PDSS2: variants seen among roughly 807,000 people sequenced by gnomAD.
PDSS2 encodes the protein all trans-polyprenyl-diphosphate synthase PDSS2.
PDSS2 carries 31 observed loss-of-function variants against 44.5 expected under a neutral mutation model. The observed-to-expected ratio is 0.70, with a 90% confidence interval of 0.52 to 0.94. The LOEUF is 0.94. Ranked by LOEUF, PDSS2 falls within the 40% of genes least tolerant of loss-of-function variation. The pLI, the probability that PDSS2 is intolerant of heterozygous loss-of-function variation, is 0.00. For missense variants in PDSS2, 452 were observed against 482.2 expected, an observed-to-expected ratio of 0.94 and a Z score of 0.59; for synonymous variants, 157 against 180.3, an observed-to-expected ratio of 0.87 and a Z score of 1.03.
At chr6:107,184,203 T>C (rs1772086807) in intron 7 of PDSS2, among the ~76,000 whole-genome samples, 3 of 152,160 alleles carry the variant, frequency 2.0e-5, no homozygotes, top group Non-Finnish European at 2.9e-5. Context: ...GTTTTCTAAA[T>C]GTGCCAATGT....
intron 4 of PDSS2, among the ~76,000 whole-genome samples, chr6:107,241,871 A>T (rs898017141): frequency 4.6e-5 from 7 of 152,176 alleles, no homozygotes; most frequent in African/African-American, 1.7e-4. Flanking sequence ...GCTTCTTTTA[A>T]ATCACAAAAA....
chr6:107,225,153 ATATATATATTTTTTTTT>A (rs1463973827), intron 4 of PDSS2, among the ~76,000 whole-genome samples: 7 of 55,108 alleles, frequency 1.3e-4, no homozygotes, highest in Non-Finnish European at 1.8e-4. Flanking sequence ...ATATATATAT[ATATATATATTTTTTTTT>A]TTTTTTTTTT....
chr6:107,402,233 T>A (rs888736193), intron 1 of PDSS2, among the ~76,000 whole-genome samples: 1 of 151,078 alleles, frequency 6.6e-6, no homozygotes, highest in Non-Finnish European at 1.5e-5. Context: ...TGAGCCGAGA[T>A]TGCGCCATTA....
Position 107,154,685 on chromosome 6 carries a change from G to T in PDSS2, c.1134C>A (p.Ser378Arg). 1 of 1,614,128 alleles carries T rather than the reference G, an allele frequency of 6.2e-7. No individual in the cohort carries two copies. Among genetic ancestry groups the T allele is most frequent in the East Asian group, 2.2e-5 (1 of 44,874 alleles). Residue 378 changes from serine (S) to arginine (R), a missense_variant, in exon 8 of 8, where the codon AGC (serine) becomes AGA (arginine). Coordinates refer to ENST00000369037, the MANE Select transcript of PDSS2 (RefSeq NM_020381.4). ...CAGATCTGGCCTCCGAGGGAGGAAA[G>T]CTCTCCAGGGCCTCCAGTGCCTTGT... ...HGNKALEALE[S>R]FPPSEARSAL...
At chr6:107,358,805 C>G (rs145334656) in intron 1 of PDSS2, among the ~76,000 whole-genome samples, 31 of 152,106 alleles carry the variant, frequency 2.0e-4, no homozygotes, top group Admixed American at 1.4e-3. Context: ...TAACCTTTAC[C>G]CACTAGATGC....
chr6:107,347,483 C>A (rs1445489794), intron 1 of PDSS2, among the ~76,000 whole-genome samples: 2 of 151,970 alleles, frequency 1.3e-5, no homozygotes, highest in African/African-American at 4.8e-5. Context: ...GTTGGCCAGG[C>A]TGAACTCCTG....
chr6:107,325,878 C>T (rs752813978), intron 2 of PDSS2, among the ~76,000 whole-genome samples: 3 of 152,110 alleles, frequency 2.0e-5, no homozygotes, highest in Non-Finnish European at 2.9e-5. Context: ...ATTTTTTCCA[C>T]TGAAGAGTTA....
At chr6:107,352,304 T>C (rs886407988) in intron 1 of PDSS2, among the ~76,000 whole-genome samples, 2 of 152,114 alleles carry the variant, frequency 1.3e-5, no homozygotes, top group Non-Finnish European at 1.5e-5. Context: ...AAGTCAGCAA[T>C]AGGAAAAACA....
chr6:107,442,868 T>A (rs1781552029), intron 1 of PDSS2, among the ~76,000 whole-genome samples: 1 of 152,232 alleles, frequency 6.6e-6, no homozygotes, highest in African/African-American at 2.4e-5. Flanking sequence ...CTCACCATCA[T>A]CATTCCTCTA....
At chr6:107,246,029 GA>G (rs1369053345) in intron 3 of PDSS2, among the ~76,000 whole-genome samples, 2 of 151,486 alleles carry the variant, frequency 1.3e-5, no homozygotes, top group African/African-American at 2.4e-5. Context: ...ACTTATTACA[GA>G]AAAAAAAGCA....
chr6:107,238,075 A>G (rs1489057226), intron 4 of PDSS2, among the ~76,000 whole-genome samples: 1 of 152,096 alleles, frequency 6.6e-6, no homozygotes, highest in Non-Finnish European at 1.5e-5. Context: ...ACTTGCTAAA[A>G]CCAGTTCTTT....
chr6:107,222,764 T>G (rs1304969932), intron 4 of PDSS2, among the ~76,000 whole-genome samples: 2 of 152,056 alleles, frequency 1.3e-5, no homozygotes, highest in Non-Finnish European at 2.9e-5. Flanking sequence ...TCCATTTTCT[T>G]AGCACATAAC....
chr6:107,185,123 T>TAAAAAAAAAAA (rs11317647), intron 7 of PDSS2, among the ~76,000 whole-genome samples: 9 of 88,776 alleles, frequency 1.0e-4, no homozygotes, highest in East Asian at 3.1e-4. Flanking sequence ...ACCTTATATC[T>TAAAAAAAAAAA]AAAAAAAAAA....
chr6:107,278,885 A>C (rs1462752850), intron 2 of PDSS2, among the ~76,000 whole-genome samples: 1 of 152,216 alleles, frequency 6.6e-6, no homozygotes, highest in Non-Finnish European at 1.5e-5. Context: ...GAGTTTATAC[A>C]AGGCAAAGCT....
chr6:107,418,384 A>G, intron 1 of PDSS2, among the ~76,000 whole-genome samples: 1 of 152,216 alleles, frequency 6.6e-6, no homozygotes, highest in African/African-American at 2.4e-5. Flanking sequence ...AACCTCCAGA[A>G]GGAACACAGC....
At chr6:107,247,117 G>T (rs1329623960) in intron 3 of PDSS2, among the ~76,000 whole-genome samples, 4 of 152,172 alleles carry the variant, frequency 2.6e-5, no homozygotes, top group Non-Finnish European at 5.9e-5. Context: ...TAAACGCACA[G>T]CATCAGATTG....
At chr6:107,241,610 TGCTGGGATTACAG>T (rs1250251634) in intron 4 of PDSS2, among the ~76,000 whole-genome samples, 1 of 152,168 alleles carries the variant, frequency 6.6e-6, no homozygotes, top group African/African-American at 2.4e-5. Flanking sequence ...CCTCCCGAAG[TGCTGGGATTACAG>T]GCGTAAGCCA....
rs1775342334 is a variant in PDSS2, at chr6:107,264,324, G to A, written c.630+9705C>T. 4 of 1,446,840 alleles carry A rather than the reference G, an allele frequency of 2.8e-6. 1 individual carries two copies. The South Asian group carries it at 6.2e-5, about 22-fold the overall frequency. 89.6% of individuals were successfully genotyped at this position (1,446,840 alleles called of 1,614,324 possible). A position where few individuals can be genotyped will look rare whatever the true frequency, so the allele number is the denominator to read the frequency against. On this transcript the variant is annotated intron_variant, in intron 3 of 7. Transcript: ENST00000369037. Reference sequence around the variant, plus strand: ...CTTTAGGAAAACAAAGTTAACATAAGGAAATACATCAGCTATGTAAAGAGT... The same window carrying A: ...CTTTAGGAAAACAAAGTTAACATAAAGAAATACATCAGCTATGTAAAGAGT...
At chr6:107,278,060 T>C (rs951641239) in intron 2 of PDSS2, among the ~76,000 whole-genome samples, 7 of 151,942 alleles carry the variant, frequency 4.6e-5, no homozygotes, top group Admixed American at 3.9e-4. Flanking sequence ...TGGTTTAACA[T>C]CTATAATAAT....
Sources: allele counts gnomAD v4.1 joint callset (sites outside exome capture counted in the v4.1 genomes callset), GRCh38; gene constraint gnomAD v4.1.1; transcripts MANE v1.5; gene names NCBI Gene and HGNC (gene_info 2026-07-23, HGNC 2026-07-21).